CCDC3: variants seen among roughly 807,000 people sequenced by gnomAD.
CCDC3 encodes coiled-coil domain-containing protein 3.
In CCDC3, 24 loss-of-function variants were observed where a neutral mutation model predicts 21.4. The ratio of observed to expected loss-of-function variants is 1.12; its 90% CI spans 0.81 to 1.58. CCDC3 has a LOEUF of 1.58. CCDC3 is among the 40% of genes most tolerant of loss of function. The pLI is 0.00. For missense variants in CCDC3, 425 were observed against 360.9 expected (o/e 1.18, Z -1.44); for synonymous variants, 186 against 166.0 (o/e 1.12, Z -0.93).
chr10:12,915,654 G>A (rs1018049878), intron 2 of CCDC3, among the ~76,000 whole-genome samples: 5 of 152,180 alleles, frequency 3.3e-5, no homozygotes, highest in African/African-American at 1.2e-4. Context: ...GAGATTCTGG[G>A]CAGGCTGTCT....
At chr10:13,095,608 T>G (rs1037711237) in intron 3 of CCDC3, among the ~76,000 whole-genome samples, 3 of 152,198 alleles carry the variant, frequency 2.0e-5, no homozygotes, top group African/African-American at 7.2e-5. Flanking sequence ...TAGGCCATAA[T>G]GCTCACCCAC....
intron 2 of CCDC3, among the ~76,000 whole-genome samples, chr10:12,903,395 T>A (rs961433883): frequency 5.3e-5 from 8 of 152,224 alleles, no homozygotes; most frequent in African/African-American, 1.7e-4. Context: ...CCAAATGAAA[T>A]CCATCTCCTT....
intron 2 of CCDC3, among the ~76,000 whole-genome samples, chr10:12,941,861 G>T (rs1275489174): frequency 6.6e-6 from 1 of 152,166 alleles, no homozygotes; most frequent in Admixed American, 6.5e-5. Context: ...ATCTCCATTT[G>T]TAAGAGTGCC....
intron 2 of CCDC3, among the ~76,000 whole-genome samples, chr10:12,995,272 T>G (rs981294240): frequency 2.6e-4 from 40 of 152,174 alleles, no homozygotes; most frequent in African/African-American, 4.8e-5. Flanking sequence ...GACAGAGTCT[T>G]GGTCTGCTGC....
At chr10:12,943,281 C>G (rs281847) in intron 2 of CCDC3, among the ~76,000 whole-genome samples, 85 of 151,888 alleles carry the variant, frequency 5.6e-4, no homozygotes, top group Non-Finnish European at 1.0e-3. Flanking sequence ...AGCACCCCCC[C>G]GCAAACGACT....
chr10:12,985,939 G>C (rs1488838884), intron 2 of CCDC3, among the ~76,000 whole-genome samples: 1 of 152,164 alleles, frequency 6.6e-6, no homozygotes, highest in African/African-American at 2.4e-5. Context: ...GCAGTGGCGC[G>C]ATCTCGGCTC....
intron 2 of CCDC3, among the ~76,000 whole-genome samples, chr10:12,929,536 C>G (rs1834606355): frequency 6.6e-6 from 1 of 152,120 alleles, no homozygotes; most frequent in Admixed American, 6.5e-5. Context: ...CCCTGCAAAC[C>G]CAGATATGGG....
At chr10:13,089,242 A>G (rs146298484) in intron 3 of CCDC3, among the ~76,000 whole-genome samples, 4 of 152,328 alleles carry the variant, frequency 2.6e-5, no homozygotes, top group Admixed American at 6.5e-5. Context: ...ATGAATATTT[A>G]TAAATGAACA....
intron 2 of CCDC3, among the ~76,000 whole-genome samples, chr10:12,953,426 C>G (rs1220755391): frequency 6.6e-6 from 1 of 152,166 alleles, no homozygotes; most frequent in Non-Finnish European, 1.5e-5. Flanking sequence ...ATCCCCAATA[C>G]TACATCTGTA....
At chr10:12,938,248 C>G (rs1055359262) in intron 2 of CCDC3, among the ~76,000 whole-genome samples, 1 of 152,162 alleles carries the variant, frequency 6.6e-6, no homozygotes, top group African/African-American at 2.4e-5. Context: ...AACTGTATCA[C>G]CATCTATACC....
upstream of CCDC3, among the ~76,000 whole-genome samples, chr10:13,002,376 G>T (rs1564316459): frequency 6.7e-6 from 1 of 149,726 alleles, no homozygotes; most frequent in Non-Finnish European, 1.5e-5. Flanking sequence ...AAGGCAACAG[G>T]TTTTTTGTTT....
intron 2 of CCDC3, among the ~76,000 whole-genome samples, chr10:12,909,864 G>A (rs1428299901): frequency 2.6e-5 from 4 of 152,176 alleles, no homozygotes; most frequent in Non-Finnish European, 4.4e-5. Context: ...TGGGTAATTA[G>A]GGGCCAGTCT....
chr10:12,994,443 C>G (rs1188311022), intron 2 of CCDC3, among the ~76,000 whole-genome samples: 1 of 151,804 alleles, frequency 6.6e-6, no homozygotes, highest in Non-Finnish European at 1.5e-5. Flanking sequence ...CACCCAGCAC[C>G]CAGCACCTAG....
intron 2 of CCDC3, among the ~76,000 whole-genome samples, chr10:12,958,715 G>A (rs1020066761): frequency 4.6e-5 from 7 of 152,130 alleles, no homozygotes; most frequent in African/African-American, 1.7e-4. Context: ...AGACCATGAG[G>A]CCACTGAAGC....
intron 2 of CCDC3, among the ~76,000 whole-genome samples, chr10:12,974,350 G>C (rs1835385277): frequency 6.6e-6 from 1 of 152,236 alleles, no homozygotes; most frequent in African/African-American, 2.4e-5. Context: ...GTGCAGGCCA[G>C]AGGTTTCCGC....
chr10:13,058,458 T>C (rs1371016818), intron 4 of CCDC3: 3 of 757,668 alleles, frequency 4.0e-6, no homozygotes. Flanking sequence ...GCGCAGACTA[T>C]CATATCCCCC....
intron 5 of CCDC3, among the ~76,000 whole-genome samples, chr10:13,017,796 A>G (rs1271835781): frequency 6.6e-6 from 1 of 152,170 alleles, no homozygotes; most frequent in Non-Finnish European, 1.5e-5. Context: ...ATTGGGGTTG[A>G]CATCCATCAG....
chr10:13,023,992 C>T (rs1208319908), intron 5 of CCDC3, among the ~76,000 whole-genome samples: 1 of 152,132 alleles, frequency 6.6e-6, no homozygotes. Context: ...TTTTGAAATC[C>T]AGTAAGGTAC....
intron 2 of CCDC3, among the ~76,000 whole-genome samples, chr10:12,946,885 A>G (rs1834923658): frequency 6.6e-6 from 1 of 152,136 alleles, no homozygotes; most frequent in Admixed American, 6.5e-5. Flanking sequence ...ATACTTTCCT[A>G]AAGATCCTGT....
Sources: gnomAD v4.1 joint callset for allele counts (sites outside exome capture counted in the v4.1 genomes callset) on GRCh38, gnomAD v4.1.1 for gene constraint, MANE v1.5 for transcripts, NCBI Gene and HGNC (gene_info 2026-07-23, HGNC 2026-07-21) for gene names.